The following CACNA1A variants were observed in gnomAD, a reference collection of about 807,000 sequenced individuals.
The protein encoded by CACNA1A is voltage-dependent P/Q-type calcium channel subunit alpha-1A.
Under a neutral mutation model 262.4 loss-of-function variants are expected in CACNA1A, and 57 were observed. The observed-to-expected ratio is 0.22, with a 90% CI of 0.18 to 0.27. CACNA1A has a LOEUF of 0.27. Ranked by LOEUF, CACNA1A falls within the 10% of genes least tolerant of loss-of-function variation. CACNA1A has a pLI of 1.00. For synonymous variants in CACNA1A, 1,431 were observed against 1,419.3 expected, an observed-to-expected ratio of 1.01 and a Z score of -0.18; for missense variants, 2,526 against 3,562.8, an observed-to-expected ratio of 0.71 and a Z score of 7.41.
At position 13,207,753 on chromosome 19, in the gene CACNA1A, T is replaced by C; in HGVS notation, c.7081A>G (p.Ser2361Gly). The C allele has an allele frequency of 7.3e-7, 1 of 1,373,590 alleles. No individual in the cohort carries two copies. Among genetic ancestry groups the C allele is most frequent in the Non-Finnish European group, 9.3e-7 (1 of 1,071,068 alleles). 85.1% of individuals were successfully genotyped at this position (1,373,590 alleles called of 1,614,324 possible). The change falls in exon 47 of 47, where the codon AGC (serine) becomes GGC (glycine). Residue 2361 changes from serine to glycine, a missense_variant. Transcript: ENST00000360228. This position sits in a 1 kb window ranked among gnomAD's most constrained non-coding sequence, Gnocchi z 5.7. ...GDRPPTGGHS[S>G]GRSPRMERRV... ...CTCTCCATCCTGGGCGAGCGGCCGC[T>C]GCTGTGGCCCCCCGTGGGCGGCCGA...
intron 3 of CACNA1A, among the ~76,000 whole-genome samples, chr19:13,394,926 A>G (rs1469313475): frequency 6.6e-6 from 1 of 152,046 alleles, no homozygotes; most frequent in Non-Finnish European, 1.5e-5. Context: ...ACACCTAAAA[A>G]TGTTACTCTA....
At chr19:13,282,791 A>G (rs1238373490) in intron 22 of CACNA1A, among the ~76,000 whole-genome samples, 1 of 151,976 alleles carries the variant, frequency 6.6e-6, no homozygotes, top group Non-Finnish European at 1.5e-5. Flanking sequence ...TTGTCAACAG[A>G]CCCACCATCC....
chr19:13,349,156 C>T (rs576763690), intron 6 of CACNA1A, among the ~76,000 whole-genome samples: 3 of 152,072 alleles, frequency 2.0e-5, no homozygotes, highest in Admixed American at 6.6e-5. Context: ...TGGCAGGTCA[C>T]GTCACCCTGT....
chr19:13,419,221 G>A (rs1254496854), intron 3 of CACNA1A, among the ~76,000 whole-genome samples: 2 of 152,232 alleles, frequency 1.3e-5, no homozygotes, highest in African/African-American at 4.8e-5. Flanking sequence ...ACTGCCTACA[G>A]TATTCAAGAC....
At chr19:13,246,933 T>C (rs2056251829) in intron 30 of CACNA1A, among the ~76,000 whole-genome samples, 1 of 152,182 alleles carries the variant, frequency 6.6e-6, no homozygotes, top group Non-Finnish European at 1.5e-5. Context: ...GCCTCTCTTT[T>C]GTTAAAATAT....
chr19:13,248,756 T>C (rs1322959260), intron 30 of CACNA1A, among the ~76,000 whole-genome samples: 1 of 151,652 alleles, frequency 6.6e-6, no homozygotes, highest in Non-Finnish European at 1.5e-5. Flanking sequence ...GGCAGGACAA[T>C]TGCTTGAACC....
intron 30 of CACNA1A, chr19:13,252,436 G>A (rs778891554): frequency 2.4e-4 from 37 of 152,066 alleles, no homozygotes; most frequent in Non-Finnish European, 4.7e-4. Context: ...TGTTGCCCAG[G>A]CTGGAGTGCA....
In CACNA1A at chr19:13,224,787, A is replaced by G; in HGVS notation, c.5626-15T>C. 7 of 1,582,870 alleles carry G rather than the reference A, an allele frequency of 4.4e-6. No individual in the cohort carries two copies. The highest frequency in any genetic ancestry group is 6.0e-6 in the Non-Finnish European group (7 of 1,161,578). On this transcript the variant is annotated splice_polypyrimidine_tract_variant and intron_variant, in intron 37 of 46. Coordinates refer to ENST00000360228, the MANE Select transcript of CACNA1A (RefSeq NM_001127222.2). ...CGCAGAAGCCGCTACAGAAAACCCAAGGCAAGCGCAGTCATTCCCAGGCAT... is the reference window on the plus strand; with the variant it reads ...CGCAGAAGCCGCTACAGAAAACCCAGGGCAAGCGCAGTCATTCCCAGGCAT...
chr19:13,448,529 G>A (rs2060858175), intron 3 of CACNA1A, among the ~76,000 whole-genome samples: 1 of 152,120 alleles, frequency 6.6e-6, no homozygotes, highest in Non-Finnish European at 1.5e-5. Context: ...AAACCACACA[G>A]GGATTTTTAA....
At chr19:13,323,742 T>G (rs1161619010) in intron 10 of CACNA1A, among the ~76,000 whole-genome samples, 1 of 152,206 alleles carries the variant, frequency 6.6e-6, no homozygotes, top group Admixed American at 6.5e-5. Flanking sequence ...TGCTGAACGC[T>G]TCCTTTGCTG....
At chr19:13,463,494 G>T (rs561152001) in intron 1 of CACNA1A, among the ~76,000 whole-genome samples, 15 of 152,176 alleles carry the variant, frequency 9.9e-5, no homozygotes, top group Non-Finnish European at 1.8e-4. Context: ...CGCTGCCCGG[G>T]ATGTTTTCAG....
intron 3 of CACNA1A, among the ~76,000 whole-genome samples, chr19:13,392,148 C>A (rs1004209638): frequency 6.6e-6 from 1 of 151,628 alleles, no homozygotes; most frequent in Non-Finnish European, 1.5e-5. Flanking sequence ...GAGGTTGAGG[C>A]TACAGTGAGC....
At chr19:13,395,671 T>C (rs933494026) in intron 3 of CACNA1A, among the ~76,000 whole-genome samples, 3 of 151,116 alleles carry the variant, frequency 2.0e-5, no homozygotes, top group Non-Finnish European at 4.4e-5. Context: ...CCGTAGGTTA[T>C]AAGGATCCCA....
chr19:13,494,751 A>G (rs1473988630), intron 1 of CACNA1A, among the ~76,000 whole-genome samples: 1 of 152,164 alleles, frequency 6.6e-6, no homozygotes, highest in Non-Finnish European at 1.5e-5. Context: ...CTTACATGGC[A>G]GCAGGAGAGG....
At chr19:13,492,900 G>C (rs373553481) in intron 1 of CACNA1A, among the ~76,000 whole-genome samples, 2 of 152,060 alleles carry the variant, frequency 1.3e-5, no homozygotes, top group African/African-American at 2.4e-5. Context: ...ATATGCTCCA[G>C]GGTCTCTCTC....
intron 3 of CACNA1A, among the ~76,000 whole-genome samples, chr19:13,449,282 A>G (rs1381506175): frequency 5.9e-5 from 9 of 151,850 alleles, no homozygotes; most frequent in Non-Finnish European, 1.3e-4. Flanking sequence ...TTAAAAAAAC[A>G]AAAAAACAAA....
chr19:13,283,303 G>C lies in CACNA1A; in HGVS notation c.3786C>G (p.Ala1262=), dbSNP rs572832442. 3.1e-6 allele frequency: 5 copies of C among 1,613,862 alleles called. No individual in the cohort carries two copies. The South Asian group carries it at 4.4e-5, about 14-fold the overall frequency. ...GTGCGTTGGGCTGCACAGGGTCCTC[G>C]GCGGCCAGGGCGATGCTGCTCATGG... ...VIAMSSIALA[A]EDPVQPNAPR... Residue 1262 remains alanine, a synonymous_variant, in exon 22 of 47, where the codon GCC becomes GCG. Transcript: ENST00000360228.
chr19:13,497,291 C>T (rs373590739), intron 1 of CACNA1A, among the ~76,000 whole-genome samples: 9 of 150,744 alleles, frequency 6.0e-5, no homozygotes, highest in Non-Finnish European at 1.3e-4. Flanking sequence ...ATTAACACCT[C>T]GAATTCATTC....
At chr19:13,388,108 G>A (rs2144637101) in intron 3 of CACNA1A, among the ~76,000 whole-genome samples, 1 of 152,098 alleles carries the variant, frequency 6.6e-6, no homozygotes, top group East Asian at 1.9e-4. Context: ...TTTCTAAGAT[G>A]GGTACCAAGG....
Sources: gnomAD v4.1 joint callset for allele counts (sites outside exome capture counted in the v4.1 genomes callset) on GRCh38, gnomAD v4.1.1 for gene constraint, Gnocchi (gnomAD v3.1) non-coding constraint, MANE v1.5 for transcripts, NCBI Gene and HGNC (gene_info 2026-07-23, HGNC 2026-07-21) for gene names.